Variants in POLA1 observed in about 807,000 individuals in gnomAD.
POLA1 encodes DNA polymerase alpha 1, catalytic subunit, also known as DNA polymerase alpha catalytic subunit.
Under a neutral mutation model 124.0 loss-of-function variants are expected in POLA1, and 15 were observed. The ratio of observed to expected loss-of-function variants is 0.12; its 90% CI spans 0.08 to 0.19. POLA1 has a LOEUF of 0.19. Ranked by LOEUF, POLA1 falls within the 10% of genes least tolerant of loss-of-function variation. The pLI is 1.00. For synonymous variants in POLA1, 408 were observed against 389.4 expected (o/e 1.05, Z -0.56); for missense variants, 886 against 1,103.4 (o/e 0.80, Z 2.79).
At chrX:24,932,358 G>A (rs978484529) in intron 36 of POLA1, among the ~76,000 whole-genome samples, 1 of 112,233 alleles carries the variant, frequency 8.9e-6, no homozygotes, top group Non-Finnish European at 1.9e-5. Context: ...GCAACTCTTG[G>A]AGGCATGTAG....
intron 35 of POLA1, among the ~76,000 whole-genome samples, chrX:24,900,774 T>C (rs1289221222): frequency 9.0e-6 from 1 of 111,559 alleles, no homozygotes; most frequent in Non-Finnish European, 1.9e-5. Context: ...TTTGCAGAGG[T>C]ACTGAATGGT....
At chrX:24,841,208 G>A (rs1601792772) in intron 32 of POLA1, among the ~76,000 whole-genome samples, 2 of 112,156 alleles carry the variant, frequency 1.8e-5, no homozygotes, top group South Asian at 3.7e-4. Flanking sequence ...AGATGAAATC[G>A]ACTACTGCAT....
intron 36 of POLA1, among the ~76,000 whole-genome samples, chrX:24,977,612 T>C (rs2048379729): frequency 8.9e-6 from 1 of 112,167 alleles, no homozygotes; most frequent in African/African-American, 3.2e-5. Context: ...TGGGAAGTTT[T>C]CTTGAATTTC....
chrX:24,747,776 C>T (rs1932097527), intron 24 of POLA1, among the ~76,000 whole-genome samples: 1 of 104,050 alleles, frequency 9.6e-6, no homozygotes, highest in Non-Finnish European at 2.0e-5. Context: ...GCTGTGTAGC[C>T]CAGGCTAGAG....
intron 26 of POLA1, among the ~76,000 whole-genome samples, chrX:24,808,005 G>T (rs966066406): frequency 2.4e-4 from 27 of 112,243 alleles, no homozygotes; most frequent in African/African-American, 7.8e-4. Flanking sequence ...TGGAACAGTG[G>T]TTTAGGTGCA....
At chrX:24,949,097 T>G (rs1407180613) in intron 36 of POLA1, among the ~76,000 whole-genome samples, 3 of 111,975 alleles carry the variant, frequency 2.7e-5, no homozygotes, top group Non-Finnish European at 5.6e-5. Flanking sequence ...CAGTAAATTG[T>G]GTGCATTTAT....
intron 36 of POLA1, among the ~76,000 whole-genome samples, chrX:24,938,377 TA>T (rs1569369412): frequency 1.8e-5 from 2 of 111,250 alleles, no homozygotes; most frequent in African/African-American, 6.5e-5. Flanking sequence ...GATCGCACCA[TA>T]GCACTCCAGC....
intron 34 of POLA1, among the ~76,000 whole-genome samples, chrX:24,844,022 G>GA (rs1344511233): frequency 1.0e-4 from 11 of 110,285 alleles, no homozygotes; most frequent in Admixed American, 6.7e-4. Flanking sequence ...GATAAAGGAA[G>GA]AAAAAAATCA....
intron 26 of POLA1, 117 bp from the exon 27 acceptor site, chrX:24,809,781 A>G (rs765484786): frequency 4.4e-6 from 2 of 451,095 alleles, no homozygotes; most frequent in Non-Finnish European, 7.3e-6. Flanking sequence ...GAAAACCTTC[A>G]AGAGCTTTAG....
At position 24,863,260 on chromosome X, in the gene POLA1, C is replaced by CT. The variant is rs931667388; in HGVS notation, c.4047+19583_4047+19584insT. The stretch of plus-strand genomic sequence containing the variant: ...GTCTTCATTGAAGGGAAGAGTATGC[C>CT]CCCCCCCATCTTCCACCCTCTTTTC... On this transcript the variant is annotated intron_variant, in intron 34 of 36. Transcript: ENST00000379068. Among the ~76,000 whole-genome samples the CT allele has an allele frequency of 2.9e-5, 3 of 102,961 alleles. No individual in the cohort carries two copies. The Admixed American group carries it at 3.1e-4, about 11-fold the overall frequency. 89.4% of individuals were successfully genotyped at this position (102,961 alleles called of 115,157 possible).
intron 35 of POLA1, among the ~76,000 whole-genome samples, chrX:24,888,384 A>G (rs1481850519): frequency 9.0e-6 from 1 of 111,268 alleles, no homozygotes; most frequent in African/African-American, 3.3e-5. Context: ...CCACTACATA[A>G]TTACAAAAGA....
chrX:24,925,740 C>T (rs775261419), intron 35 of POLA1, among the ~76,000 whole-genome samples: 1 of 111,200 alleles, frequency 9.0e-6, no homozygotes, highest in East Asian at 2.8e-4. Context: ...AGCATCATTC[C>T]GTTTGTTTGT....
Position 24,978,325 on chromosome X carries a change from G to A in POLA1, c.4262-17480G>A, listed in dbSNP as rs142072083. The stretch of plus-strand genomic sequence containing the variant: ...CTTCTGTGTGTACTATCCTTTGAAC[G>A]TTCAAAGGCCTCACAATATTTGTAT... On this transcript the variant is annotated intron_variant, in intron 36 of 36. Transcript: ENST00000379068. Among the ~76,000 whole-genome samples the A allele has an allele frequency of 6.5e-3, 723 of 111,598 alleles. 4 individuals are homozygous for A. Among genetic ancestry groups the A allele is most frequent in the African/African-American group, 0.022 (663 of 30,734 alleles).
At chrX:24,744,616 G>A (rs1931884069) in intron 23 of POLA1, 1 of 326,463 alleles carries the variant, frequency 3.1e-6, no homozygotes, top group Admixed American at 3.8e-5. Context: ...TTTTGTACAG[G>A]TAAATGTGCC....
chrX:24,725,445 G>A (rs373049132), intron 12 of POLA1, among the ~76,000 whole-genome samples: 5 of 110,569 alleles, frequency 4.5e-5, no homozygotes, highest in African/African-American at 1.6e-4. Context: ...TGATCCGCCC[G>A]CCTCGGCCTC....
chrX:24,837,961 C>T (rs1160943270), intron 32 of POLA1, among the ~76,000 whole-genome samples: 1 of 112,190 alleles, frequency 8.9e-6, no homozygotes, highest in African/African-American at 3.2e-5. Context: ...ATGTATCAGC[C>T]TCTCTAATAA....
chrX:24,847,702 C>T (rs1047665401), intron 34 of POLA1, among the ~76,000 whole-genome samples: 7 of 112,149 alleles, frequency 6.2e-5, no homozygotes, highest in Non-Finnish European at 1.1e-4. Flanking sequence ...AGGGGCTGTG[C>T]TTTCTTTTCT....
intron 26 of POLA1, among the ~76,000 whole-genome samples, chrX:24,756,390 C>G (rs754128525): frequency 9.2e-6 from 1 of 109,009 alleles, no homozygotes; most frequent in East Asian, 2.9e-4. Context: ...GGTGAAACCC[C>G]GTCTCTGCTA....
Position 24,760,813 on chromosome X carries a change from G to A in POLA1, c.2964+11821G>A, listed in dbSNP as rs760742388. 2.7e-5 allele frequency among the ~76,000 whole-genome samples: 3 copies of A among 111,835 alleles called. No individual in the cohort carries two copies. The South Asian group carries it at 1.1e-3, about 42-fold the overall frequency. On this transcript the variant is annotated intron_variant, in intron 26 of 36. Transcript: ENST00000379068. ...GAGAAGAATAGTTTTATGTATGTGT[G>A]AAGAAGCCGTTTGATTTTCAGCCAG...
Sources: allele counts gnomAD v4.1 joint callset (sites outside exome capture counted in the v4.1 genomes callset), GRCh38; gene constraint gnomAD v4.1.1; transcripts MANE v1.5; gene names NCBI Gene and HGNC (gene_info 2026-07-23, HGNC 2026-07-21).